Variants in CCDC178 observed in about 807,000 individuals in gnomAD.
CCDC178 encodes coiled-coil domain containing 178, also known as coiled-coil domain-containing protein 178.
CCDC178 carries 126 observed loss-of-function variants against 117.4 expected under a neutral mutation model. That is an observed-to-expected ratio of 1.07 (90% CI 0.93 to 1.24). CCDC178 has a LOEUF of 1.24. Ranked by LOEUF, CCDC178 falls within the 50% of genes most tolerant of loss-of-function variation. The pLI is 0.00. For missense variants in CCDC178, 1,030 were observed against 986.9 expected (o/e 1.04, Z -0.59); for synonymous variants, 283 against 313.4 (o/e 0.90, Z 1.02).
intron 2 of CCDC178, among the ~76,000 whole-genome samples, chr18:33,414,849 T>G (rs1007023625): frequency 4.6e-5 from 7 of 152,078 alleles, no homozygotes; most frequent in African/African-American, 1.7e-4. Flanking sequence ...CAAACAAATT[T>G]ACAAGGCAAA....
At chr18:33,401,529 A>G (rs2063709969) in intron 3 of CCDC178, among the ~76,000 whole-genome samples, 1 of 152,208 alleles carries the variant, frequency 6.6e-6, no homozygotes, top group African/African-American at 2.4e-5. Flanking sequence ...AAATTCCAAT[A>G]GAATGTATTC....
At chr18:33,062,635 G>A (rs192255070) in intron 21 of CCDC178, among the ~76,000 whole-genome samples, 1 of 152,254 alleles carries the variant, frequency 6.6e-6, no homozygotes, top group Admixed American at 6.5e-5. Context: ...CCAAGGGAGA[G>A]CCCCTCAGCC....
intron 5 of CCDC178, among the ~76,000 whole-genome samples, chr18:33,372,869 A>G (rs1276376496): frequency 3.3e-5 from 5 of 152,178 alleles, no homozygotes; most frequent in Admixed American, 2.6e-4. Flanking sequence ...TCTGCTTTGT[A>G]TATGCACTTC....
At chr18:33,092,649 C>T in intron 21 of CCDC178, 112 bp downstream of exon 21, 1 of 597,284 alleles carries the variant, frequency 1.7e-6, no homozygotes, top group South Asian at 2.6e-5. Context: ...GAAAATAGGC[C>T]ATGTTGTGGA....
At chr18:33,028,579 AT>A (rs911309852) in intron 21 of CCDC178, among the ~76,000 whole-genome samples, 1 of 151,598 alleles carries the variant, frequency 6.6e-6, no homozygotes, top group East Asian at 1.9e-4. Flanking sequence ...TTTGGTTTTT[AT>A]TTTTTTGATT....
intron 21 of CCDC178, among the ~76,000 whole-genome samples, chr18:32,997,742 G>GT (rs529598814): frequency 6.6e-6 from 1 of 151,826 alleles, no homozygotes; most frequent in South Asian, 2.1e-4. Context: ...ATATATCTAT[G>GT]TTTTTTTATT....
chr18:33,414,702 G>C (rs1195389001), intron 2 of CCDC178, among the ~76,000 whole-genome samples: 1 of 152,166 alleles, frequency 6.6e-6, no homozygotes, highest in African/African-American at 2.4e-5. Context: ...TGACAAATGG[G>C]ATCTAATTAA....
chr18:33,156,277 T>C (rs1245910856), intron 20 of CCDC178, among the ~76,000 whole-genome samples: 3 of 150,884 alleles, frequency 2.0e-5, no homozygotes, highest in African/African-American at 7.3e-5. Context: ...TTTAGTGGAG[T>C]TGAGATTTCA....
At chr18:33,344,614 G>A (rs1293802728) in intron 9 of CCDC178, among the ~76,000 whole-genome samples, 1 of 140,070 alleles carries the variant, frequency 7.1e-6, no homozygotes. Flanking sequence ...AAATTTATCA[G>A]CAAACAATTA....
intron 21 of CCDC178, among the ~76,000 whole-genome samples, chr18:32,992,293 C>T (rs1214774762): frequency 6.6e-6 from 1 of 152,086 alleles, no homozygotes; most frequent in Non-Finnish European, 1.5e-5. Flanking sequence ...TTCTAAAATA[C>T]ATTATAAAAT....
At chr18:33,361,382 A>G (rs1423414296) in intron 6 of CCDC178, among the ~76,000 whole-genome samples, 2 of 151,788 alleles carry the variant, frequency 1.3e-5, no homozygotes, top group Non-Finnish European at 3.0e-5. Flanking sequence ...GAAGCCATAA[A>G]ACTCCTAGAA....
intron 6 of CCDC178, among the ~76,000 whole-genome samples, chr18:33,363,253 C>A (rs116003335): frequency 6.6e-6 from 1 of 151,910 alleles, no homozygotes; most frequent in Non-Finnish European, 1.5e-5. Flanking sequence ...AAATCAGATT[C>A]ATACGAAACT....
chr18:33,430,661 T>A (rs972555258), intron 2 of CCDC178, among the ~76,000 whole-genome samples: 1 of 152,166 alleles, frequency 6.6e-6, no homozygotes, highest in Non-Finnish European at 1.5e-5. Flanking sequence ...CTTAACCACA[T>A]CACTAACATC....
At chr18:33,185,497 T>C (rs947907400) in intron 20 of CCDC178, among the ~76,000 whole-genome samples, 3 of 152,032 alleles carry the variant, frequency 2.0e-5, no homozygotes, top group Non-Finnish European at 4.4e-5. Flanking sequence ...TAGTATCTGG[T>C]TTATATTAGC....
chr18:33,332,715 G>C (rs999837042), intron 10 of CCDC178, among the ~76,000 whole-genome samples: 4 of 152,030 alleles, frequency 2.6e-5, no homozygotes, highest in Non-Finnish European at 5.9e-5. Flanking sequence ...AAAGGGTCAA[G>C]CAAGCCTCCC....
chr18:33,103,026 T>G (rs562149452), intron 20 of CCDC178, among the ~76,000 whole-genome samples: 78 of 151,926 alleles, frequency 5.1e-4, no homozygotes, highest in African/African-American at 1.8e-3. Flanking sequence ...TAACCCCTAC[T>G]ATAGAGTCTT....
At chr18:33,063,003 G>A (rs935803064) in intron 21 of CCDC178, among the ~76,000 whole-genome samples, 7 of 152,166 alleles carry the variant, frequency 4.6e-5, no homozygotes, top group Non-Finnish European at 8.8e-5. Context: ...GAGCCTGATA[G>A]CCATCTGCCC....
intron 12 of CCDC178, among the ~76,000 whole-genome samples, chr18:33,281,435 G>T (rs960843671): frequency 1.3e-5 from 2 of 152,056 alleles, no homozygotes; most frequent in African/African-American, 4.8e-5. Flanking sequence ...TTATTATGTA[G>T]TTTTGGTTAT....
chr18:33,116,385 C>T (rs959521968), intron 20 of CCDC178, among the ~76,000 whole-genome samples: 1 of 152,146 alleles, frequency 6.6e-6, no homozygotes, highest in African/African-American at 2.4e-5. Context: ...AAGGGAGTGG[C>T]TTTGTATTAG....
Sources: gnomAD v4.1 joint callset for allele counts (sites outside exome capture counted in the v4.1 genomes callset) on GRCh38, gnomAD v4.1.1 for gene constraint, MANE v1.5 for transcripts, NCBI Gene and HGNC (gene_info 2026-07-23, HGNC 2026-07-21) for gene names.